Variants in CCDC85C observed in about 807,000 individuals in gnomAD.
The protein encoded by CCDC85C is coiled-coil domain-containing protein 85C.
CCDC85C carries 18 observed loss-of-function variants against 38.3 expected under a neutral mutation model. The observed-to-expected ratio is 0.47, with a 90% CI of 0.33 to 0.70. The LOEUF is 0.70. Among genes scored for constraint, CCDC85C ranks in the 30% least tolerant of loss-of-function variants. CCDC85C has a pLI of 0.03. For synonymous variants in CCDC85C, 264 were observed against 293.8 expected, an observed-to-expected ratio of 0.90 and a Z score of 1.04; for missense variants, 566 against 621.2, an observed-to-expected ratio of 0.91 and a Z score of 0.94.
At chr14:99,522,948 A>G (rs1212932932) in intron 2 of CCDC85C, 3 of 152,140 alleles carry the variant, frequency 2.0e-5, no homozygotes, top group Non-Finnish European at 4.4e-5. Context: ...GAATGAATCC[A>G]CAGGTCCCAT....
Position 99,506,927 on chromosome 14 carries a change from A to G in CCDC85C, c.*8319T>C. 1.5e-6 allele frequency: 1 copy of G among 668,222 alleles called. No homozygotes were observed. The highest frequency in any genetic ancestry group is 1.7e-5 in the South Asian group (1 of 59,450). The allele number at this position is 668,222 out of a possible 1,614,324, so 41.4% of individuals were successfully genotyped here. On this transcript the variant is annotated 3_prime_UTR_variant, in exon 6 of 6. Coordinates refer to ENST00000380243, the MANE Select transcript of CCDC85C (RefSeq NM_001144995.2). ...TAACAGGATTCATGCATAATGGTTT[A>G]GCTGAAACCTTCTTCAAGTTCCCTT...
chr14:99,513,625 C>G lies in CCDC85C; in HGVS notation c.*1621G>C, dbSNP rs1897174260. 1 of 152,290 alleles carries G rather than the reference C, an allele frequency of 6.6e-6. No individual in the cohort carries two copies. Among genetic ancestry groups the G allele is most frequent in the South Asian group, 2.1e-4 (1 of 4,836 alleles). The allele number at this position is 152,290 out of a possible 1,614,324, so 9.4% of individuals were successfully genotyped here. On this transcript the variant is annotated 3_prime_UTR_variant, in exon 6 of 6. Transcript: ENST00000380243. The stretch of plus-strand genomic sequence containing the variant: ...AGGGAGAGGGACAGGGCGGCCATCT[C>G]CCTCCTCTTGCCTGCATCCCCAGCC...
chr14:99,524,299 G>A (rs1036115325), intron 2 of CCDC85C, among the ~76,000 whole-genome samples: 37 of 151,994 alleles, frequency 2.4e-4, no homozygotes, highest in Non-Finnish European at 4.1e-4. Context: ...CCCTTCAGCC[G>A]GCCCTGCCCT....
chr14:99,515,719 G>T (rs932222871), intron 5 of CCDC85C, among the ~76,000 whole-genome samples: 1 of 152,156 alleles, frequency 6.6e-6, no homozygotes, highest in Non-Finnish European at 1.5e-5. Context: ...CGCCGATGGT[G>T]CTCAGCTGGG....
rs1328289733 is a variant in CCDC85C, at chr14:99,572,692, T to C, written c.793+30475A>G. On this transcript the variant is annotated intron_variant, in intron 1 of 5. Transcript: ENST00000380243. This position sits in a 1 kb window ranked among gnomAD's most constrained non-coding sequence, Gnocchi z 4.4. ...CCTTAAGAGGCCTCCCCTGCCACCA[T>C]CTGTTTTCTGCTCTTCCTAGCACTC... 3 of 456,030 alleles carry C rather than the reference T, an allele frequency of 6.6e-6. No individual in the cohort carries two copies. Among genetic ancestry groups the C allele is most frequent in the South Asian group, 4.6e-5 (3 of 64,560 alleles). The allele number at this position is 456,030 out of a possible 1,614,324, so 28.2% of individuals were successfully genotyped here.
At chr14:99,578,566 A>C (rs1016696393) in intron 1 of CCDC85C, among the ~76,000 whole-genome samples, 4 of 152,046 alleles carry the variant, frequency 2.6e-5, no homozygotes, top group Non-Finnish European at 4.4e-5. Context: ...GCCTGTACCT[A>C]TGTCCCCTGT....
At chr14:99,530,821 G>A (rs1333780478) in intron 2 of CCDC85C, among the ~76,000 whole-genome samples, 6 of 152,222 alleles carry the variant, frequency 3.9e-5, no homozygotes, top group South Asian at 2.1e-4. Flanking sequence ...GCAGGTGAGC[G>A]CTGGGGCGGG....
chr14:99,594,561 G>C (rs2055122817), intron 1 of CCDC85C, among the ~76,000 whole-genome samples: 1 of 152,240 alleles, frequency 6.6e-6, no homozygotes, highest in Non-Finnish European at 1.5e-5. Flanking sequence ...CATAGGAAGA[G>C]AATTCCCAGG....
At chr14:99,582,112 C>T (rs372699682) in intron 1 of CCDC85C, among the ~76,000 whole-genome samples, 19 of 152,286 alleles carry the variant, frequency 1.2e-4, no homozygotes, top group African/African-American at 3.4e-4. Flanking sequence ...CCACACCCAG[C>T]GGGGGCGGGG....
At chr14:99,568,911 C>T (rs1030565557) in intron 1 of CCDC85C, among the ~76,000 whole-genome samples, 2 of 152,178 alleles carry the variant, frequency 1.3e-5, no homozygotes, top group African/African-American at 4.8e-5. Flanking sequence ...CAGACTTCTG[C>T]AGGGTCCTTG....
chr14:99,518,795 G>A (rs1467567763), intron 3 of CCDC85C, among the ~76,000 whole-genome samples: 1 of 152,210 alleles, frequency 6.6e-6, no homozygotes, highest in African/African-American at 2.4e-5. Context: ...AGGCAGGAGG[G>A]AAGCCAGGAG....
chr14:99,540,580 G>A (rs991757314), intron 1 of CCDC85C, among the ~76,000 whole-genome samples: 4 of 152,222 alleles, frequency 2.6e-5, no homozygotes, highest in African/African-American at 4.8e-5. Flanking sequence ...TCCCAGCTTG[G>A]CTGCCTGAGG....
chr14:99,510,126 G>T lies in CCDC85C; in HGVS notation c.*5120C>A. ...TGAAAAAGCAACCATTGCTGGCGGA[G>T]GCCGGGCACTGATGCGTCTCTCTCC... On this transcript the variant is annotated 3_prime_UTR_variant, in exon 6 of 6. Coordinates refer to ENST00000380243, the MANE Select transcript of CCDC85C (RefSeq NM_001144995.2). The T allele has an allele frequency of 6.4e-7, 1 of 1,573,964 alleles. No homozygotes were observed. Among genetic ancestry groups the T allele is most frequent in the East Asian group, 2.3e-5 (1 of 43,806 alleles).
intron 1 of CCDC85C, among the ~76,000 whole-genome samples, chr14:99,553,457 T>C (rs914366751): frequency 2.6e-5 from 4 of 152,234 alleles, no homozygotes; most frequent in African/African-American, 9.6e-5. Context: ...CTCCGCCTCC[T>C]GGGTTCAAGC....
chr14:99,573,069 T>C (rs1898389718), intron 1 of CCDC85C: 1 of 332,030 alleles, frequency 3.0e-6, no homozygotes, highest in South Asian at 2.5e-5. Flanking sequence ...AGGGGACAAG[T>C]GAAGCCTAAG....
In CCDC85C at chr14:99,569,121, G is replaced by C. The variant is rs1352556378; in HGVS notation, c.794-33033C>G. 1.3e-5 allele frequency among the ~76,000 whole-genome samples: 2 copies of C among 152,168 alleles called. No individual in the cohort carries two copies. The highest frequency in any genetic ancestry group is 4.8e-5 in the African/African-American group (2 of 41,440). On this transcript the variant is annotated intron_variant, in intron 1 of 5. Coordinates refer to ENST00000380243, the MANE Select transcript of CCDC85C (RefSeq NM_001144995.2). The surrounding 1 kb of genome is among the most constrained non-coding windows in gnomAD (Gnocchi z 4.3). ...GGCCTGTGTCCTCACTGTCTGCCAAGCCCCGTCCCCAGACCTAGCCACAGC... is the reference window on the plus strand; with the variant it reads ...GGCCTGTGTCCTCACTGTCTGCCAACCCCCGTCCCCAGACCTAGCCACAGC...
rs576184486 is a variant in CCDC85C at position 99,530,790 on chromosome 14, G to C, written c.867+5225C>G. 1.4e-4 allele frequency among the ~76,000 whole-genome samples: 22 copies of C among 152,340 alleles called. No homozygotes were observed. In the East Asian group the frequency reaches 3.5e-3, roughly 24 times the overall value. On this transcript the variant is annotated intron_variant, in intron 2 of 5. Coordinates refer to ENST00000380243, the MANE Select transcript of CCDC85C (RefSeq NM_001144995.2). ...GACACTGAGACTCTGGGAGAGAGAGGATTTCACCTGAAGCCACACAGCAGG... is the reference window on the plus strand; with the variant it reads ...GACACTGAGACTCTGGGAGAGAGAGCATTTCACCTGAAGCCACACAGCAGG...
Position 99,544,052 on chromosome 14 carries a change from A to G in CCDC85C, c.794-7964T>C, listed in dbSNP as rs1406457454. Among the ~76,000 whole-genome samples the G allele has an allele frequency of 6.6e-6, 1 of 152,168 alleles. No individual in the cohort carries two copies. On this transcript the variant is annotated intron_variant, in intron 1 of 5. Coordinates refer to ENST00000380243, the MANE Select transcript of CCDC85C (RefSeq NM_001144995.2). This position sits in a 1 kb window ranked among gnomAD's most constrained non-coding sequence, Gnocchi z 5.3. ...AGAACCATCTTTCCCATTCGCACAC[A>G]CACAGTTTGCTGAGTACCCACCATA...
chr14:99,515,002 T>C lies in CCDC85C; in HGVS notation c.*244A>G. The C allele has an allele frequency of 2.2e-6, 1 of 445,578 alleles. No individual in the cohort carries two copies. 27.6% of individuals were successfully genotyped at this position (445,578 alleles called of 1,614,324 possible). A position where few individuals can be genotyped will look rare whatever the true frequency, so the allele number is the denominator to read the frequency against. On this transcript the variant is annotated 3_prime_UTR_variant, in exon 6 of 6. Transcript: ENST00000380243. ...AGGGGGAATGAGGCGTCCGGGCCGC[T>C]CTGCTGCAGGAACAGTCGCAGCGTC...
Sources: gnomAD v4.1 joint callset for allele counts (sites outside exome capture counted in the v4.1 genomes callset) on GRCh38, gnomAD v4.1.1 for gene constraint, Gnocchi (gnomAD v3.1) non-coding constraint, MANE v1.5 for transcripts, NCBI Gene and HGNC (gene_info 2026-07-23, HGNC 2026-07-21) for gene names.